The following TRRAP variants were observed in gnomAD, a reference collection of about 807,000 sequenced individuals.
The protein encoded by TRRAP is transformation/transcription domain associated protein.
A neutral mutation model predicts 438.8 loss-of-function variants in TRRAP; 41 were observed. The ratio of observed to expected loss-of-function variants is 0.09; its 90% CI spans 0.07 to 0.12. TRRAP has a LOEUF of 0.12. TRRAP is among the 10% of genes least tolerant of loss of function. The pLI is 1.00. For missense variants in TRRAP, 3,122 were observed against 5,055.1 expected (o/e 0.62, Z 11.60); for synonymous variants, 1,994 against 1,962.9 (o/e 1.02, Z -0.42).
At chr7:98,946,861 T>C (rs1446332582) in intron 33 of TRRAP, among the ~76,000 whole-genome samples, 1 of 152,234 alleles carries the variant, frequency 6.6e-6, no homozygotes, top group Non-Finnish European at 1.5e-5. Flanking sequence ...AAAAGCAGAT[T>C]GTAAAAGTAC....
Position 98,981,779 on chromosome 7 carries a change from G to T in TRRAP, c.8645G>T (p.Ser2882Ile). 1 of 1,600,140 alleles carries T rather than the reference G, an allele frequency of 6.2e-7. No individual in the cohort carries two copies. The highest frequency in any genetic ancestry group is 1.7e-4 in the Middle Eastern group (1 of 6,024). The change falls in exon 59 of 73, where the codon AGC (serine) becomes ATC (isoleucine). Residue 2882 changes from serine to isoleucine, a missense_variant. Physicochemically the swap from Ser to Ile is moderately radical, Grantham distance 142. Around this residue, in one of 24 missense-constraint regions of TRRAP, gnomAD observed 992 missense variants for 1,281.2 expected, o/e 0.77. Coordinates refer to ENST00000456197, the MANE Select transcript of TRRAP (RefSeq NM_001375524.1). ...MKEALVQVEV[S>I]CPKEMAWKVN... ...TTCTTTCACTGCCAGGTGGAAGTGA[G>T]CTGTCCGAAGGAGATGGCCTGGAAG...
intron 62 of TRRAP, among the ~76,000 whole-genome samples, chr7:98,985,902 A>G (rs1008966589): frequency 1.3e-5 from 2 of 152,282 alleles, no homozygotes; most frequent in Non-Finnish European, 2.9e-5. Flanking sequence ...GAATATTTCC[A>G]TCATCCCCCA....
intron 20 of TRRAP, among the ~76,000 whole-genome samples, chr7:98,920,733 T>G (rs184819570): frequency 1.2e-4 from 19 of 152,354 alleles, no homozygotes; most frequent in South Asian, 1.0e-3. Flanking sequence ...TATGTCATGT[T>G]TGTAAGTTAT....
chr7:98,898,334 A>C (rs1034247712), intron 8 of TRRAP, among the ~76,000 whole-genome samples: 1 of 152,208 alleles, frequency 6.6e-6, no homozygotes, highest in South Asian at 2.1e-4. Context: ...ATTATCTGAA[A>C]AACCTGTCTC....
intron 69 of TRRAP, among the ~76,000 whole-genome samples, chr7:99,006,861 T>G (rs1051233615): frequency 6.6e-6 from 1 of 152,206 alleles, no homozygotes; most frequent in Non-Finnish European, 1.5e-5. Flanking sequence ...ATGGGGTAGG[T>G]ACTATTATCC....
chr7:98,921,584 C>G (rs1789799035), intron 20 of TRRAP, among the ~76,000 whole-genome samples, 169 bp from the exon 21 acceptor site: 1 of 152,144 alleles, frequency 6.6e-6, no homozygotes, highest in South Asian at 2.1e-4. Context: ...CCCTGTTGAC[C>G]AGGCTGGTCT....
chr7:98,986,304 G>A (rs907603963), intron 62 of TRRAP, among the ~76,000 whole-genome samples: 13 of 152,282 alleles, frequency 8.5e-5, no homozygotes, highest in African/African-American at 3.1e-4. Context: ...TATACCTGGG[G>A]ACAGAATATC....
intron 31 of TRRAP, among the ~76,000 whole-genome samples, chr7:98,943,566 G>T (rs1790899309): frequency 6.6e-6 from 1 of 152,174 alleles, no homozygotes; most frequent in Admixed American, 6.5e-5. Context: ...CCAGTTATAT[G>T]ACTGGCCCTT....
intron 31 of TRRAP, among the ~76,000 whole-genome samples, chr7:98,943,361 A>T (rs1253251248): frequency 6.6e-6 from 1 of 152,182 alleles, no homozygotes; most frequent in Non-Finnish European, 1.5e-5. Flanking sequence ...TGCTGTCTAC[A>T]TGGTGGTGCG....
At chr7:98,930,448 C>T (rs187582193) in intron 24 of TRRAP, among the ~76,000 whole-genome samples, 185 bp from the exon 25 acceptor site, 5 of 152,246 alleles carry the variant, frequency 3.3e-5, no homozygotes, top group East Asian at 1.9e-4. Flanking sequence ...CGTGGTGGCG[C>T]ATGCCTGTAA....
chr7:98,984,476 A>G (rs988398990), intron 61 of TRRAP, 118 bp downstream of exon 61: 3 of 1,268,660 alleles, frequency 2.4e-6, no homozygotes, highest in Non-Finnish European at 3.2e-6. Context: ...ACTTTCCACA[A>G]ATACAGCCTC....
At chr7:98,995,933 C>T (rs536354642) in intron 67 of TRRAP, among the ~76,000 whole-genome samples, 21 of 150,426 alleles carry the variant, frequency 1.4e-4, no homozygotes, top group African/African-American at 4.2e-4. Context: ...ATCCCCATCC[C>T]GTCCTCACAC....
Position 99,004,282 on chromosome 7 carries a change from C to A in TRRAP, c.10402C>A (p.Gln3468Lys), listed in dbSNP as rs1463018603. Residue 3468 changes from glutamine to lysine, a missense_variant, in exon 68 of 73, where the codon CAA (glutamine) becomes AAA (lysine). By Grantham distance (53) the Gln-to-Lys change is moderately conservative (BLOSUM62 1). This residue lies in a region of TRRAP where 107 missense variants were observed against 327.5 expected (regional missense o/e 0.33). Transcript: ENST00000456197. Reference sequence around the variant, plus strand: ...CAAAATCTTGGAGGCCAAGACCAAGCAACTCCCCAAATTCTTCCTCATAGA... The same window carrying A: ...CAAAATCTTGGAGGCCAAGACCAAGAAACTCCCCAAATTCTTCCTCATAGA... ...WIKILEAKTK[Q>K]LPKFFLIEEK... The A allele has an allele frequency of 6.2e-7, 1 of 1,614,128 alleles. No individual in the cohort carries two copies. Among genetic ancestry groups the A allele is most frequent in the Non-Finnish European group, 8.5e-7 (1 of 1,180,056 alleles).
intron 67 of TRRAP, among the ~76,000 whole-genome samples, chr7:99,000,109 G>A (rs1441316941): frequency 6.6e-6 from 1 of 152,152 alleles, no homozygotes; most frequent in Non-Finnish European, 1.5e-5. Flanking sequence ...CCAGGTTCAA[G>A]TGATTCTCCC....
rs1791241886 is a variant in TRRAP at position 98,949,649 on chromosome 7, T to C, written c.4954-11T>C. ...CGAGACACGGTTCCCTAATTATCTC[T>C]TCTTTGACAGATCATAAGCATTATA... On this transcript the variant is annotated splice_polypyrimidine_tract_variant and intron_variant, in intron 36 of 72. Transcript: ENST00000456197. 1 of 1,609,960 alleles carries C rather than the reference T, an allele frequency of 6.2e-7. No homozygotes were observed. Among genetic ancestry groups the C allele is most frequent in the Non-Finnish European group, 8.5e-7 (1 of 1,178,168 alleles).
At chr7:98,991,340 C>T (rs1050844811) in intron 64 of TRRAP, among the ~76,000 whole-genome samples, 3 of 152,208 alleles carry the variant, frequency 2.0e-5, no homozygotes, top group African/African-American at 4.8e-5. Context: ...GCTGGGCCCG[C>T]GCGTTCTGCC....
chr7:98,879,957 G>A (rs1795342989), intron 1 of TRRAP, among the ~76,000 whole-genome samples: 1 of 152,222 alleles, frequency 6.6e-6, no homozygotes, highest in Non-Finnish European at 1.5e-5. Context: ...ATGCAAGGAG[G>A]AGGGGTGAAA....
chr7:98,884,535 G>A (rs1359483923), intron 3 of TRRAP, among the ~76,000 whole-genome samples: 3 of 152,088 alleles, frequency 2.0e-5, no homozygotes, highest in Non-Finnish European at 2.9e-5. Flanking sequence ...ATGCCCAGCC[G>A]CATCTCTCAG....
Position 98,912,100 on chromosome 7 carries a change from C to T in TRRAP, c.2086C>T (p.Arg696Cys), listed in dbSNP as rs1789301879. 4 of 1,614,182 alleles carry T rather than the reference C, an allele frequency of 2.5e-6. No individual in the cohort carries two copies. The highest frequency in any genetic ancestry group is 3.4e-6 in the Non-Finnish European group (4 of 1,180,042). ...GATTCTGGTGGAATATCTCCTTGAT[C>T]GCCTGCCAGAAATGGGCTCCAACGT... The part of the protein sequence containing the change: ...ATILVEYLLD[R>C]LPEMGSNVEL... The change falls in exon 18 of 73, where the codon CGC becomes TGC. Residue 696 changes from arginine (R) to cysteine (C), a missense_variant. Coordinates refer to ENST00000456197, the MANE Select transcript of TRRAP (RefSeq NM_001375524.1).
Sources: gnomAD v4.1 joint callset for allele counts (sites outside exome capture counted in the v4.1 genomes callset) on GRCh38, gnomAD v4.1.1 for gene constraint, gnomAD v4.1.1 regional missense constraint, MANE v1.5 for transcripts, NCBI Gene and HGNC (gene_info 2026-07-23, HGNC 2026-07-21) for gene names.